Variants in TTC28 observed in about 807,000 individuals in gnomAD.
TTC28 encodes tetratricopeptide repeat protein 28.
Under a neutral mutation model 198.0 loss-of-function variants are expected in TTC28, and 61 were observed. The observed-to-expected ratio is 0.31, with a 90% CI of 0.25 to 0.38. TTC28 has a LOEUF of 0.38. Ranked by LOEUF, TTC28 falls within the 10% of genes least tolerant of loss-of-function variation. The probability of loss-of-function intolerance (pLI) is 1.00; values close to 1 mark genes in which losing one functional copy is unlikely to be tolerated. For synonymous variants in TTC28, 1,171 were observed against 1,297.8 expected (o/e 0.90, Z 2.10); for missense variants, 2,678 against 3,164.0 (o/e 0.85, Z 3.69).
chr22:28,181,983 G>T (rs1208243017), intron 5 of TTC28, among the ~76,000 whole-genome samples: 1 of 152,202 alleles, frequency 6.6e-6, no homozygotes, highest in Non-Finnish European at 1.5e-5. Context: ...AGACTTCATA[G>T]TTCTATTAGG....
intron 1 of TTC28, among the ~76,000 whole-genome samples, chr22:28,647,954 G>A (rs2051497427): frequency 6.6e-6 from 1 of 151,794 alleles, no homozygotes; most frequent in South Asian, 2.1e-4. Context: ...GCTGGGCATG[G>A]TGGCTCACGC....
intron 12 of TTC28, among the ~76,000 whole-genome samples, chr22:28,042,704 G>A (rs1166619120): frequency 2.6e-5 from 4 of 151,156 alleles, no homozygotes; most frequent in Admixed American, 2.6e-4. Flanking sequence ...TTGTGCACAT[G>A]TACCCTAGAA....
chr22:28,538,726 ATT>A (rs1273920302), intron 2 of TTC28, among the ~76,000 whole-genome samples: 19 of 151,116 alleles, frequency 1.3e-4, no homozygotes, highest in Non-Finnish European at 2.4e-4. Flanking sequence ...CGTCCAGCTA[ATT>A]TTTTTGTATT....
At chr22:28,080,879 GTCC>G (rs1941325647) in intron 12 of TTC28, among the ~76,000 whole-genome samples, 1 of 151,988 alleles carries the variant, frequency 6.6e-6, no homozygotes, top group East Asian at 1.9e-4. Flanking sequence ...ATAAATAAGG[GTCC>G]AACGTTTTTC....
intron 1 of TTC28, among the ~76,000 whole-genome samples, chr22:28,669,299 T>G (rs1307021543): frequency 7.9e-6 from 1 of 127,076 alleles, no homozygotes; most frequent in Non-Finnish European, 1.7e-5. Context: ...ACTTAGAGTA[T>G]AATAAAAAAA....
At chr22:28,387,280 T>G (rs1453359520) in intron 2 of TTC28, among the ~76,000 whole-genome samples, 1 of 152,208 alleles carries the variant, frequency 6.6e-6, no homozygotes, top group Non-Finnish European at 1.5e-5. Context: ...TCTTTGCTAT[T>G]GTGAATAATG....
chr22:28,029,736 C>T (rs554546879), intron 13 of TTC28, among the ~76,000 whole-genome samples: 16 of 152,320 alleles, frequency 1.1e-4, no homozygotes, highest in East Asian at 9.7e-4. Flanking sequence ...TTGGCACAGA[C>T]GGGTGAGCCT....
intron 12 of TTC28, among the ~76,000 whole-genome samples, chr22:28,089,697 TAAAAAAATA>T (rs929907426): frequency 6.9e-5 from 9 of 129,816 alleles, no homozygotes; most frequent in Non-Finnish European, 6.7e-5. Context: ...AAATAAAAAA[TAAAAAAATA>T]AAAAAAATAA....
In TTC28 at chr22:28,043,242, C is replaced by CAAAAAAAAAAAAAAAAAAAA. The variant is rs11362041; in HGVS notation, c.3933-12896_3933-12877dup. On this transcript the variant is annotated intron_variant, in intron 12 of 22. Transcript: ENST00000397906. ...TGCATAACAGAGTAAGACTCCATCT[C>CAAAAAAAAAAAAAAAAAAAA]AAAAAAAAAAAAAAAAAAAAAAAAA... 9.2e-4 allele frequency among the ~76,000 whole-genome samples: 60 copies of CAAAAAAAAAAAAAAAAAAAA among 65,568 alleles called. 5 individuals carry two copies. The highest frequency in any genetic ancestry group is 1.3e-3 in the African/African-American group (22 of 16,412). 43.0% of individuals were successfully genotyped at this position (65,568 alleles called of 152,430 possible). A position where few individuals can be genotyped will look rare whatever the true frequency, so the allele number is the denominator to read the frequency against.
At chr22:28,613,019 C>G (rs1233520151) in intron 2 of TTC28, among the ~76,000 whole-genome samples, 1 of 151,918 alleles carries the variant, frequency 6.6e-6, no homozygotes, top group Non-Finnish European at 1.5e-5. Context: ...ATGAAAAACC[C>G]TTCAAAAAAT....
rs1439893901 is a variant in TTC28, at chr22:27,983,158, G to A, written c.6509C>T (p.Thr2170Ile). The A allele has an allele frequency of 2.6e-6, 4 of 1,551,722 alleles. No individual in the cohort carries two copies. Among genetic ancestry groups the A allele is most frequent in the Non-Finnish European group, 2.6e-6 (3 of 1,147,034 alleles). The change falls in exon 23 of 23, where the codon ACA becomes ATA. Residue 2170 changes from threonine (T) to isoleucine (I), a missense_variant. Coordinates refer to ENST00000397906, the MANE Select transcript of TTC28 (RefSeq NM_001145418.2). ...QELAQKILEE[T>I]QSHLIAVERL... ...CTCCACCGCAATGAGATGACTCTGTGTCTCCTCCAGAATTTTCTGGGCTAA... is the reference window on the plus strand; with the variant it reads ...CTCCACCGCAATGAGATGACTCTGTATCTCCTCCAGAATTTTCTGGGCTAA...
chr22:28,446,530 A>C (rs2146243035), intron 2 of TTC28, among the ~76,000 whole-genome samples: 1 of 152,178 alleles, frequency 6.6e-6, no homozygotes, highest in African/African-American at 2.4e-5. Flanking sequence ...AGTTCACTTG[A>C]GAGCTGGTTG....
intron 2 of TTC28, among the ~76,000 whole-genome samples, chr22:28,579,432 A>G (rs2050200537): frequency 6.7e-6 from 1 of 148,956 alleles, no homozygotes; most frequent in Non-Finnish European, 1.5e-5. Context: ...AGCTATATAT[A>G]GTGTATATAT....
intron 5 of TTC28, among the ~76,000 whole-genome samples, chr22:28,240,320 CACAT>C (rs1220445054): frequency 6.6e-6 from 1 of 152,050 alleles, no homozygotes; most frequent in Non-Finnish European, 1.5e-5. Context: ...AAGGGAATGA[CACAT>C]ACAGAAAGAA....
intron 5 of TTC28, among the ~76,000 whole-genome samples, chr22:28,172,267 CA>C (rs1445885263): frequency 6.6e-6 from 1 of 152,148 alleles, no homozygotes; most frequent in Non-Finnish European, 1.5e-5. Flanking sequence ...CTTGGTTTTC[CA>C]GACATTTTTA....
At chr22:28,114,112 A>C (rs2146920828) in intron 6 of TTC28, among the ~76,000 whole-genome samples, 1 of 152,348 alleles carries the variant, frequency 6.6e-6, no homozygotes, top group Middle Eastern at 3.4e-3. Context: ...TTTCATTTCT[A>C]ATGATCTTAA....
chr22:28,175,514 C>G (rs1423292649), intron 5 of TTC28, among the ~76,000 whole-genome samples: 1 of 152,010 alleles, frequency 6.6e-6, no homozygotes, highest in Non-Finnish European at 1.5e-5. Flanking sequence ...GGTGGATGCC[C>G]TGAGGTCAGG....
At chr22:28,624,777 ACAT>A in intron 2 of TTC28, among the ~76,000 whole-genome samples, 1 of 152,186 alleles carries the variant, frequency 6.6e-6, no homozygotes, top group East Asian at 1.9e-4. Flanking sequence ...CGAAACAAAT[ACAT>A]CATGAGAAAA....
intron 5 of TTC28, among the ~76,000 whole-genome samples, chr22:28,210,220 T>A (rs1035289915): frequency 1.5e-4 from 23 of 152,258 alleles, no homozygotes; most frequent in East Asian, 5.8e-4. Context: ...ATTCTAAAAA[T>A]CAGAGTGCCT....
Sources: gnomAD v4.1 joint callset for allele counts (sites outside exome capture counted in the v4.1 genomes callset) on GRCh38, gnomAD v4.1.1 for gene constraint, MANE v1.5 for transcripts, NCBI Gene and HGNC (gene_info 2026-07-23, HGNC 2026-07-21) for gene names.